The following TNFSF4 variants were observed in gnomAD, a reference collection of about 807,000 sequenced individuals.
TNFSF4 encodes tumor necrosis factor ligand superfamily member 4.
A neutral mutation model predicts 7.3 loss-of-function variants in TNFSF4; 4 were observed. The observed-to-expected ratio is 0.55, with a 90% CI of 0.27 to 1.25. The LOEUF (loss-of-function observed/expected upper bound fraction) is 1.25. Among genes scored for constraint, TNFSF4 ranks in the 50% most tolerant of loss-of-function variants. The pLI, the probability that TNFSF4 is intolerant of heterozygous loss-of-function variation, is 0.12. For synonymous variants in TNFSF4, 76 were observed against 83.7 expected, an observed-to-expected ratio of 0.91 and a Z score of 0.50; for missense variants, 181 against 208.8, an observed-to-expected ratio of 0.87 and a Z score of 0.82.
At chr1:173,442,453 T>G in the TNFSF4 span, among the ~76,000 whole-genome samples, 1 of 152,194 alleles carries the variant, frequency 6.6e-6, no homozygotes, top group Admixed American at 6.5e-5. Context: ...TAAAACTTCT[T>G]TGTTGCCTTT....
chr1:173,276,742 G>A, the TNFSF4 span, among the ~76,000 whole-genome samples: 1 of 152,160 alleles, frequency 6.6e-6, no homozygotes, highest in African/African-American at 2.4e-5. Context: ...TAGAAAGGGA[G>A]ATTAGAACAG....
the TNFSF4 span, among the ~76,000 whole-genome samples, chr1:173,344,946 T>C: frequency 2.6e-5 from 4 of 152,220 alleles, no homozygotes; most frequent in Non-Finnish European, 4.4e-5. Flanking sequence ...ACCTCTCTCA[T>C]TGAAACAGTT....
the TNFSF4 span, among the ~76,000 whole-genome samples, chr1:173,307,376 C>T: frequency 6.6e-6 from 1 of 151,804 alleles, no homozygotes; most frequent in Non-Finnish European, 1.5e-5. Context: ...ACAATGTACA[C>T]AACAACTAGC....
At chr1:173,414,030 C>A in the TNFSF4 span, among the ~76,000 whole-genome samples, 2 of 152,160 alleles carry the variant, frequency 1.3e-5, no homozygotes, top group African/African-American at 4.8e-5. Flanking sequence ...GACAAGCCAA[C>A]GTGTGAATTG....
the TNFSF4 span, among the ~76,000 whole-genome samples, chr1:173,238,065 G>A: frequency 1.3e-5 from 2 of 152,114 alleles, no homozygotes; most frequent in African/African-American, 4.8e-5. Context: ...CAGACACATA[G>A]AACAATGGAA....
the TNFSF4 span, among the ~76,000 whole-genome samples, chr1:173,356,488 G>C: frequency 6.6e-6 from 1 of 152,124 alleles, no homozygotes; most frequent in Admixed American, 6.5e-5. Context: ...CAGAAACCAC[G>C]TATCACAAGA....
the TNFSF4 span, among the ~76,000 whole-genome samples, chr1:173,370,883 C>T: frequency 6.6e-6 from 1 of 152,216 alleles, no homozygotes; most frequent in Non-Finnish European, 1.5e-5. Context: ...CCCAGTAGGG[C>T]TTGTTATCAG....
chr1:173,428,566 TTA>T, the TNFSF4 span, among the ~76,000 whole-genome samples: 1 of 152,254 alleles, frequency 6.6e-6, no homozygotes, highest in South Asian at 2.1e-4. Context: ...GCATATGCAT[TTA>T]TGAGATAATT....
At chr1:173,322,682 C>A in the TNFSF4 span, among the ~76,000 whole-genome samples, 50 of 152,116 alleles carry the variant, frequency 3.3e-4, no homozygotes, top group Non-Finnish European at 6.0e-4. Context: ...CAGGTCACTC[C>A]CACCCTAATA....
the TNFSF4 span, among the ~76,000 whole-genome samples, chr1:173,298,320 A>G: frequency 1.5e-4 from 23 of 151,970 alleles, no homozygotes; most frequent in Admixed American, 4.6e-4. Flanking sequence ...TGCAGGAAAC[A>G]GGGTAAGAAT....
At chr1:173,373,360 C>T in the TNFSF4 span, among the ~76,000 whole-genome samples, 1 of 152,166 alleles carries the variant, frequency 6.6e-6, no homozygotes, top group African/African-American at 2.4e-5. Flanking sequence ...ATGGAAGGAC[C>T]CTTGGTATGG....
At chr1:173,417,350 T>G in the TNFSF4 span, among the ~76,000 whole-genome samples, 1 of 152,258 alleles carries the variant, frequency 6.6e-6, no homozygotes, top group South Asian at 2.1e-4. Context: ...TGTAAAGCTC[T>G]TAGCACATAG....
chr1:173,394,062 T>C, the TNFSF4 span, among the ~76,000 whole-genome samples: 1 of 152,162 alleles, frequency 6.6e-6, no homozygotes, highest in Non-Finnish European at 1.5e-5. Context: ...CCATGGTGTA[T>C]AACTTTTTGT....
At chr1:173,175,471 G>A in the TNFSF4 span, 1 of 152,046 alleles carries the variant, frequency 6.6e-6, no homozygotes, top group African/African-American at 2.4e-5. Context: ...ATTCTTGAAA[G>A]GCTCTTATAT....
chr1:173,182,187 C>A (rs1649066762), downstream of TNFSF4, among the ~76,000 whole-genome samples: 2 of 152,144 alleles, frequency 1.3e-5, no homozygotes, highest in Non-Finnish European at 2.9e-5. Flanking sequence ...TACAACATTT[C>A]TTTTTCTTAT....
chr1:173,242,830 C>T, the TNFSF4 span, among the ~76,000 whole-genome samples: 5 of 151,952 alleles, frequency 3.3e-5, no homozygotes, highest in Non-Finnish European at 5.9e-5. Context: ...GGAGTGCAGC[C>T]CTGCTGTGAG....
chr1:173,249,047 G>A, the TNFSF4 span, among the ~76,000 whole-genome samples: 5 of 152,158 alleles, frequency 3.3e-5, no homozygotes, highest in East Asian at 1.9e-4. Context: ...AGGTAAATAC[G>A]CAGGTTGGGG....
chr1:173,376,619 A>C, the TNFSF4 span, among the ~76,000 whole-genome samples: 1 of 152,262 alleles, frequency 6.6e-6, no homozygotes, highest in East Asian at 1.9e-4. Context: ...TGTCTAACTA[A>C]ATGTTTGTAA....
At chr1:173,355,124 TG>T in the TNFSF4 span, among the ~76,000 whole-genome samples, 1 of 152,322 alleles carries the variant, frequency 6.6e-6, no homozygotes, top group South Asian at 2.1e-4. Flanking sequence ...CCACCAGCAA[TG>T]GCATTATTCT....
Sources: gnomAD v4.1 joint callset for allele counts (sites outside exome capture counted in the v4.1 genomes callset) on GRCh38, gnomAD v4.1.1 for gene constraint, MANE v1.5 for transcripts, NCBI Gene and HGNC (gene_info 2026-07-23, HGNC 2026-07-21) for gene names.